The following CCDC7 variants were observed in gnomAD, a reference collection of about 807,000 sequenced individuals.
CCDC7 encodes the protein coiled-coil domain containing 7, also known as coiled-coil domain-containing protein 7.
A neutral mutation model predicts 196.9 loss-of-function variants in CCDC7; 183 were observed. The observed-to-expected ratio is 0.93, with a 90% CI of 0.82 to 1.05. CCDC7 has a LOEUF of 1.05. CCDC7 is among the 50% of genes least tolerant of loss of function. The pLI is 0.00. For synonymous variants in CCDC7, 525 were observed against 484.6 expected, an observed-to-expected ratio of 1.08 and a Z score of -1.10; for missense variants, 1,540 against 1,482.2, an observed-to-expected ratio of 1.04 and a Z score of -0.64.
intron 15 of CCDC7, 42 bp from the exon 17 acceptor site, chr10:32,571,817 G>T: frequency 6.7e-7 from 1 of 1,496,598 alleles, no homozygotes; most frequent in Non-Finnish European, 8.9e-7. Context: ...CATTTCATAT[G>T]CATACTTGAT....
chr10:32,506,839 G>A (rs2045256242), intron 9 of CCDC7, among the ~76,000 whole-genome samples: 1 of 151,974 alleles, frequency 6.6e-6, no homozygotes, highest in East Asian at 1.9e-4. Context: ...GCAAGAGAGG[G>A]AGACCGTAGA....
chr10:32,616,644 G>A (rs757649628), intron 18 of CCDC7, among the ~76,000 whole-genome samples: 3 of 150,510 alleles, frequency 2.0e-5, no homozygotes, highest in African/African-American at 7.3e-5. Context: ...TTCTAATTTC[G>A]GTGGCTTTTT....
chr10:32,588,037 C>T (rs1160474132), intron 18 of CCDC7, among the ~76,000 whole-genome samples: 11 of 152,138 alleles, frequency 7.2e-5, no homozygotes, highest in Admixed American at 7.2e-4. Context: ...GAGAATGGGT[C>T]TTCTTTAAAA....
chr10:32,620,995 C>G (rs1485312464), intron 18 of CCDC7, among the ~76,000 whole-genome samples: 2 of 152,092 alleles, frequency 1.3e-5, no homozygotes, highest in Admixed American at 1.3e-4. Flanking sequence ...TGAATATAAT[C>G]CCATCTCCAA....
At chr10:32,516,739 C>G (rs1246091615) in intron 9 of CCDC7, among the ~76,000 whole-genome samples, 1 of 152,146 alleles carries the variant, frequency 6.6e-6, no homozygotes, top group Non-Finnish European at 1.5e-5. Context: ...TATGTATCTG[C>G]TTTGGAAAAG....
At chr10:32,527,305 C>T (rs1316545074) in intron 11 of CCDC7, among the ~76,000 whole-genome samples, 1 of 152,206 alleles carries the variant, frequency 6.6e-6, no homozygotes, top group Non-Finnish European at 1.5e-5. Context: ...TGAATAGCAT[C>T]AGCATTTAAT....
chr10:32,587,584 G>A (rs12768385), intron 18 of CCDC7, among the ~76,000 whole-genome samples: 2,100 of 152,222 alleles, frequency 0.014, 26 homozygotes, highest in Non-Finnish European at 0.023. Flanking sequence ...ACTTTAGGAG[G>A]CACGTTTAAA....
intron 21 of CCDC7, among the ~76,000 whole-genome samples, chr10:32,670,656 C>A (rs1437877943): frequency 1.3e-5 from 2 of 150,388 alleles, no homozygotes; most frequent in Non-Finnish European, 2.9e-5. Context: ...GTTTTTTGTT[C>A]TTGCGATAGT....
At chr10:32,497,565 G>C (rs1285764601) in intron 9 of CCDC7, among the ~76,000 whole-genome samples, 1 of 152,156 alleles carries the variant, frequency 6.6e-6, no homozygotes, top group African/African-American at 2.4e-5. Context: ...TGCTTTAAAT[G>C]TGTCCCAAAG....
At chr10:32,770,681 C>G (rs1025189379) in intron 28 of CCDC7, among the ~76,000 whole-genome samples, 13 of 152,090 alleles carry the variant, frequency 8.5e-5, no homozygotes, top group African/African-American at 3.1e-4. Context: ...GACTTTTTGT[C>G]TCAAAGATCT....
At chr10:32,487,039 G>T (rs977591390) in intron 8 of CCDC7, among the ~76,000 whole-genome samples, 1 of 152,110 alleles carries the variant, frequency 6.6e-6, no homozygotes, top group East Asian at 1.9e-4. Context: ...ATGTTGGCCT[G>T]CCTTGCTAGA....
chr10:32,767,429 G>T (rs2078488723), intron 28 of CCDC7, among the ~76,000 whole-genome samples: 1 of 152,062 alleles, frequency 6.6e-6, no homozygotes, highest in South Asian at 2.1e-4. Context: ...TGTATTTTCT[G>T]CTTTGGCTTC....
At chr10:32,828,430 G>GAAGAAGAA (rs151097370) in intron 32 of CCDC7, among the ~76,000 whole-genome samples, 1 of 95,004 alleles carries the variant, frequency 1.1e-5, no homozygotes, top group Non-Finnish European at 2.4e-5. Context: ...AGAAGAAGAA[G>GAAGAAGAA]GAAGGAAGGA....
intron 15 of CCDC7, among the ~76,000 whole-genome samples, chr10:32,568,219 A>ATGGTCTTGATCTCC (rs1465835756): frequency 6.6e-6 from 1 of 151,838 alleles, no homozygotes; most frequent in African/African-American, 2.4e-5. Context: ...GTTGGCCAGG[A>ATGGTCTTGATCTCC]TGGTCTTGAT....
chr10:32,822,620 A>G (rs1012892672), intron 31 of CCDC7, among the ~76,000 whole-genome samples: 3 of 152,152 alleles, frequency 2.0e-5, no homozygotes, highest in Non-Finnish European at 4.4e-5. Flanking sequence ...AAACTGGGGA[A>G]AGAGAATAAA....
Position 32,569,643 on chromosome 10 carries a change from GT to G in CCDC7, c.1419+1753del, listed in dbSNP as rs2057315952. 1.3e-5 allele frequency among the ~76,000 whole-genome samples: 2 copies of G among 151,998 alleles called. 1 individual carries two copies. Among genetic ancestry groups the G allele is most frequent in the Admixed American group, 1.3e-4 (2 of 15,256 alleles). ...GAGTTTCACCATGTTGGCCAGGCTG[GT>G]CTCGAACTCGTGACCTCAGGTGATC... On this transcript the variant is annotated intron_variant, in intron 15 of 41. Coordinates refer to ENST00000639629, the Ensembl canonical transcript of CCDC7.
chr10:32,509,530 A>AC (rs1203897378), intron 9 of CCDC7, among the ~76,000 whole-genome samples: 2 of 146,532 alleles, frequency 1.4e-5, no homozygotes, highest in Non-Finnish European at 3.0e-5. Flanking sequence ...AAAAAAAAAA[A>AC]CAGGAAAAAA....
intron 16 of CCDC7, among the ~76,000 whole-genome samples, chr10:32,580,084 A>G (rs1380139539): frequency 6.6e-6 from 1 of 152,118 alleles, no homozygotes; most frequent in African/African-American, 2.4e-5. Flanking sequence ...ATATTAACCG[A>G]GGCCATTCAG....
Position 32,789,942 on chromosome 10 carries a change from G to A in CCDC7, c.3013+10858G>A, listed in dbSNP as rs74862663. ...TCCAAAATACAACAAGGAAAGCAAC[G>A]TTAAATCTTAAAACTAGAGAATACA... is the stretch of plus-strand genomic sequence containing the variant. On this transcript the variant is annotated intron_variant, in intron 29 of 41. Coordinates refer to ENST00000639629, the Ensembl canonical transcript of CCDC7. Among the ~76,000 whole-genome samples, 1,205 of 152,316 alleles carry A rather than the reference G, an allele frequency of 7.9e-3. 6 individuals carry two copies. The highest frequency in any genetic ancestry group is 0.02 in the Middle Eastern group (6 of 294).
Sources: gnomAD v4.1 joint callset for allele counts (sites outside exome capture counted in the v4.1 genomes callset) on GRCh38, gnomAD v4.1.1 for gene constraint, MANE v1.5 for transcripts, NCBI Gene and HGNC (gene_info 2026-07-23, HGNC 2026-07-21) for gene names.